CACNA2D1: variants seen among roughly 807,000 people sequenced by gnomAD.
CACNA2D1 encodes calcium voltage-gated channel auxiliary subunit alpha2delta 1, also known as voltage-dependent calcium channel subunit alpha-2/delta-1.
Under a neutral mutation model 171.5 loss-of-function variants are expected in CACNA2D1, and 53 were observed. That is an observed-to-expected ratio of 0.31 (90% CI 0.25 to 0.39). CACNA2D1 has a LOEUF of 0.39. CACNA2D1 is among the 10% of genes least tolerant of loss of function. The probability of loss-of-function intolerance (pLI) is 1.00; values close to 1 mark genes in which losing one functional copy is unlikely to be tolerated. For missense variants in CACNA2D1, 903 were observed against 1,299.8 expected, an observed-to-expected ratio of 0.69 and a Z score of 4.69; for synonymous variants, 442 against 443.1, an observed-to-expected ratio of 1.00 and a Z score of 0.03.
intron 3 of CACNA2D1, among the ~76,000 whole-genome samples, chr7:82,303,070 T>C (rs896919489): frequency 6.6e-6 from 1 of 152,068 alleles, no homozygotes; most frequent in African/African-American, 2.4e-5. Flanking sequence ...CTCGGCTCAC[T>C]GCAAGCTCCG....
chr7:82,306,690 C>T (rs1452779878), intron 3 of CACNA2D1, among the ~76,000 whole-genome samples: 2 of 152,096 alleles, frequency 1.3e-5, no homozygotes, highest in African/African-American at 4.8e-5. Context: ...CCTGCATCTT[C>T]GTTTTTAAAA....
chr7:82,318,402 T>C (rs1815369601), intron 3 of CACNA2D1, among the ~76,000 whole-genome samples: 1 of 152,168 alleles, frequency 6.6e-6, no homozygotes, highest in Non-Finnish European at 1.5e-5. Context: ...GCACACTATG[T>C]GGCTTGCAGA....
intron 36 of CACNA2D1, among the ~76,000 whole-genome samples, chr7:81,961,032 A>G (rs1185670663): frequency 6.6e-6 from 1 of 151,866 alleles, no homozygotes; most frequent in African/African-American, 2.4e-5. Context: ...CCCTCTTGCA[A>G]AATTTTTTTT....
chr7:82,289,275 A>G (rs907840193), intron 3 of CACNA2D1, among the ~76,000 whole-genome samples: 2 of 152,184 alleles, frequency 1.3e-5, no homozygotes, highest in African/African-American at 4.8e-5. Context: ...ATAATTTAGT[A>G]CAAACATCTT....
chr7:82,252,697 T>C (rs1005935487), intron 3 of CACNA2D1, among the ~76,000 whole-genome samples: 7 of 151,972 alleles, frequency 4.6e-5, no homozygotes, highest in Non-Finnish European at 8.8e-5. Context: ...CGAGACCATC[T>C]GGGCCAACAT....
At chr7:82,189,561 A>C (rs1046588548) in intron 3 of CACNA2D1, among the ~76,000 whole-genome samples, 6 of 151,960 alleles carry the variant, frequency 3.9e-5, no homozygotes, top group Non-Finnish European at 7.4e-5. Context: ...GATAAACAAG[A>C]TACTAGAAAA....
At chr7:82,208,335 C>T (rs1800217809) in intron 3 of CACNA2D1, among the ~76,000 whole-genome samples, 1 of 152,020 alleles carries the variant, frequency 6.6e-6, no homozygotes, top group South Asian at 2.1e-4. Flanking sequence ...GACTTGATAT[C>T]ATTAATAGTT....
chr7:82,347,844 CATTG>C (rs1819416048), intron 2 of CACNA2D1, among the ~76,000 whole-genome samples: 1 of 150,902 alleles, frequency 6.6e-6, no homozygotes, highest in Non-Finnish European at 1.5e-5. Context: ...TTAATTCAGT[CATTG>C]ATTAATTCAT....
At chr7:82,085,004 C>G (rs991699499) in intron 6 of CACNA2D1, 104 bp from the exon 7 acceptor site, 1 of 1,036,756 alleles carries the variant, frequency 9.6e-7, no homozygotes, top group Non-Finnish European at 1.4e-6. Flanking sequence ...ATTGTTCTAC[C>G]TATAAAATAA....
chr7:82,066,195 G>A (rs1807578697), intron 8 of CACNA2D1, among the ~76,000 whole-genome samples: 1 of 152,078 alleles, frequency 6.6e-6, no homozygotes, highest in Non-Finnish European at 1.5e-5. Context: ...GCTAAGAGGT[G>A]TAGTACTGAG....
chr7:81,991,384 T>G lies in CACNA2D1; in HGVS notation c.1735-138A>C, dbSNP rs139937553. The G allele has an allele frequency of 2.4e-4, 124 of 521,006 alleles. No homozygotes were observed. In the East Asian group the frequency reaches 3.6e-3, roughly 15 times the overall value. The allele number at this position is 521,006 out of a possible 1,614,324, so 32.3% of individuals were successfully genotyped here. ...TACAAAGGTATGATCTATTTTATTCTATATTTATTTATTTTCTGGGTGTGT... is the reference window on the plus strand; with the variant it reads ...TACAAAGGTATGATCTATTTTATTCGATATTTATTTATTTTCTGGGTGTGT... On this transcript the variant is annotated intron_variant, in intron 20 of 38. Transcript: ENST00000356860.
chr7:82,365,429 GA>G (rs1821573740), intron 1 of CACNA2D1, among the ~76,000 whole-genome samples: 1 of 152,104 alleles, frequency 6.6e-6, no homozygotes, highest in African/African-American at 2.4e-5. Flanking sequence ...TCTCTTATAA[GA>G]CTATTTTTAT....
At chr7:82,093,166 C>T (rs1436494237) in intron 6 of CACNA2D1, among the ~76,000 whole-genome samples, 1 of 152,108 alleles carries the variant, frequency 6.6e-6, no homozygotes, top group Non-Finnish European at 1.5e-5. Flanking sequence ...TCAGAAGTAA[C>T]CACTTGATCT....
chr7:82,170,724 C>T, intron 3 of CACNA2D1, 115 bp from the exon 4 acceptor site: 1 of 894,888 alleles, frequency 1.1e-6, no homozygotes, highest in East Asian at 2.5e-5. Context: ...GAAGATGATC[C>T]TTATTTATGA....
chr7:82,200,082 A>T (rs1799256331), intron 3 of CACNA2D1, among the ~76,000 whole-genome samples: 1 of 152,060 alleles, frequency 6.6e-6, no homozygotes, highest in Admixed American at 6.6e-5. Context: ...ATAAACTATA[A>T]TTTTTCCCTT....
intron 4 of CACNA2D1, among the ~76,000 whole-genome samples, chr7:82,165,648 C>T (rs1795377655): frequency 6.6e-6 from 1 of 151,972 alleles, no homozygotes; most frequent in South Asian, 2.1e-4. Context: ...CTTTACATTA[C>T]ATTGGTTTTC....
intron 2 of CACNA2D1, among the ~76,000 whole-genome samples, chr7:82,338,964 A>C (rs1283116399): frequency 6.6e-6 from 1 of 152,182 alleles, no homozygotes; most frequent in Non-Finnish European, 1.5e-5. Flanking sequence ...AACCACCTAC[A>C]GCTGAGGGGC....
At chr7:82,311,897 C>T (rs1445020229) in intron 3 of CACNA2D1, among the ~76,000 whole-genome samples, 1 of 152,068 alleles carries the variant, frequency 6.6e-6, no homozygotes, top group Admixed American at 6.6e-5. Context: ...AAATTCCCGA[C>T]CTTGTTGTGA....
chr7:82,016,612 C>G (rs935982246), intron 12 of CACNA2D1, among the ~76,000 whole-genome samples: 2 of 6,196 alleles, frequency 3.2e-4, no homozygotes, highest in African/African-American at 4.8e-4. Flanking sequence ...AGCCGCCCGC[C>G]CCCCCCCCCC....
Sources: gnomAD v4.1 joint callset for allele counts (sites outside exome capture counted in the v4.1 genomes callset) on GRCh38, gnomAD v4.1.1 for gene constraint, MANE v1.5 for transcripts, NCBI Gene and HGNC (gene_info 2026-07-23, HGNC 2026-07-21) for gene names.